Variants in DENND5A observed in about 807,000 individuals in gnomAD.
The protein encoded by DENND5A is DENN domain containing 5A, also known as DENN domain-containing protein 5A.
A neutral mutation model predicts 140.3 loss-of-function variants in DENND5A; 64 were observed. The observed-to-expected ratio is 0.46, with a 90% CI of 0.37 to 0.56. The LOEUF (loss-of-function observed/expected upper bound fraction) is 0.56, where lower values mean the gene tolerates loss of function less well. Among genes scored for constraint, DENND5A ranks in the 20% least tolerant of loss-of-function variants. The pLI is 0.00. For missense variants in DENND5A, 1,292 were observed against 1,593.8 expected (o/e 0.81, Z 3.22); for synonymous variants, 605 against 607.7 (o/e 1.00, Z 0.07).
intron 1 of DENND5A, among the ~76,000 whole-genome samples, chr11:9,230,344 G>A (rs1045928967): frequency 5.1e-5 from 7 of 136,574 alleles, no homozygotes; most frequent in Non-Finnish European, 1.1e-4. Flanking sequence ...GAGCTCAAGC[G>A]ATCCACCCAC....
At chr11:9,201,730 T>C (rs975006602) in intron 4 of DENND5A, among the ~76,000 whole-genome samples, 7 of 152,116 alleles carry the variant, frequency 4.6e-5, no homozygotes, top group Middle Eastern at 3.4e-3. Flanking sequence ...AAATAACTGA[T>C]TCAGAATAGA....
intron 1 of DENND5A, among the ~76,000 whole-genome samples, chr11:9,219,943 C>T (rs1850242143): frequency 6.6e-6 from 1 of 152,148 alleles, no homozygotes; most frequent in Non-Finnish European, 1.5e-5. Context: ...TGGATATCAT[C>T]ATTTAGAAAG....
At chr11:9,246,870 C>T (rs1350354724) in intron 1 of DENND5A, among the ~76,000 whole-genome samples, 1 of 152,162 alleles carries the variant, frequency 6.6e-6, no homozygotes, top group Non-Finnish European at 1.5e-5. Context: ...AATGTGTAAC[C>T]TCCAAGTATT....
At chr11:9,257,731 C>T (rs891827964) in intron 1 of DENND5A, among the ~76,000 whole-genome samples, 3 of 151,506 alleles carry the variant, frequency 2.0e-5, no homozygotes, top group Admixed American at 1.3e-4. Flanking sequence ...ATCCGCCCAC[C>T]CCGGCCTCCC....
chr11:9,203,713 A>C lies in DENND5A; in HGVS notation c.896T>G (p.Phe299Cys). 4 of 1,614,146 alleles carry C rather than the reference A, an allele frequency of 2.5e-6. No homozygotes were observed. The South Asian group carries it at 4.4e-5, about 18-fold the overall frequency. ...CAGAAGGGCACAAGTAAAAAGCTGA[A>C]ACACATTCTCCACCCCGAGCAGTTC... ...VFELLGVENV[F>C]QLFTCALLEF... Residue 299 changes from phenylalanine (F) to cysteine (C), a missense_variant, in exon 4 of 23, where the codon TTT (phenylalanine) becomes TGT (cysteine). This residue lies in a region of DENND5A where 566 missense variants were observed against 650.4 expected (regional missense o/e 0.87). Transcript: ENST00000328194.
chr11:9,154,173 C>T (rs1287645802), intron 12 of DENND5A, among the ~76,000 whole-genome samples: 1 of 152,104 alleles, frequency 6.6e-6, no homozygotes, highest in African/African-American at 2.4e-5. Context: ...GTTCAAAATA[C>T]AATATTTTAA....
chr11:9,143,613 G>A (rs1847323083), intron 19 of DENND5A, 128 bp from the exon 20 acceptor site: 1 of 758,460 alleles, frequency 1.3e-6, no homozygotes, highest in Non-Finnish European at 2.3e-6. Flanking sequence ...CTAGGAAGCA[G>A]AGGCGCTTGC....
chr11:9,247,057 G>A (rs1042852069), intron 1 of DENND5A, among the ~76,000 whole-genome samples: 1 of 151,926 alleles, frequency 6.6e-6, no homozygotes, highest in African/African-American at 2.4e-5. Context: ...GTGAAACCCC[G>A]TCTCTACTAA....
intron 1 of DENND5A, among the ~76,000 whole-genome samples, chr11:9,246,611 CAAAAAAAAAAA>C (rs369946476): frequency 1.6e-5 from 1 of 63,148 alleles, no homozygotes; most frequent in Non-Finnish European, 3.0e-5. Flanking sequence ...AACTAAGTCT[CAAAAAAAAAAA>C]AAAAAAAAAG....
At chr11:9,180,273 G>A (rs1848683931) in intron 6 of DENND5A, among the ~76,000 whole-genome samples, 3 of 151,760 alleles carry the variant, frequency 2.0e-5, no homozygotes, top group Admixed American at 2.0e-4. Context: ...GCAACATAGT[G>A]AGACCCTGCC....
chr11:9,232,098 A>G (rs1850796964), intron 1 of DENND5A, among the ~76,000 whole-genome samples: 1 of 152,166 alleles, frequency 6.6e-6, no homozygotes, highest in African/African-American at 2.4e-5. Flanking sequence ...AAGAAAATTA[A>G]TTAGCCCTAG....
Position 9,180,755 on chromosome 11 carries a change from T to C in DENND5A, c.1455+12A>G. 2.5e-6 allele frequency: 4 copies of C among 1,611,974 alleles called. No individual in the cohort carries two copies. The highest frequency in any genetic ancestry group is 2.5e-6 in the Non-Finnish European group (3 of 1,178,748). ...AGATCACACGTGTCACAGACTCATA[T>C]ACACATCTTACCTTTTCCAGGCTCA... On this transcript the variant is annotated intron_variant, in intron 6 of 22. Transcript: ENST00000328194.
At chr11:9,185,595 G>A (rs1266562043) in intron 5 of DENND5A, among the ~76,000 whole-genome samples, 1 of 152,206 alleles carries the variant, frequency 6.6e-6, no homozygotes, top group Non-Finnish European at 1.5e-5. Flanking sequence ...GTTGATGGAT[G>A]CAGCAAACCA....
At chr11:9,263,617 T>C (rs1029588036) in intron 1 of DENND5A, among the ~76,000 whole-genome samples, 2 of 135,080 alleles carry the variant, frequency 1.5e-5, no homozygotes, top group East Asian at 4.4e-4. Flanking sequence ...CCGAGGCGGG[T>C]GGATCATGAG....
In DENND5A at chr11:9,142,864, G is replaced by C; in HGVS notation, c.3388-19C>G. The C allele has an allele frequency of 9.3e-6, 15 of 1,613,510 alleles. No homozygotes were observed. The highest frequency in any genetic ancestry group is 1.3e-5 in the Non-Finnish European group (15 of 1,179,650). On this transcript the variant is annotated intron_variant, in intron 20 of 22. Coordinates refer to ENST00000328194, the MANE Select transcript of DENND5A (RefSeq NM_015213.4). The stretch of plus-strand genomic sequence containing the variant: ...TGCCTCGCTACGTAAGGAAACAGGG[G>C]AGGGTGCCAGGCTTGTCTCAGCCGA...
At chr11:9,253,264 T>C (rs1487625320) in intron 1 of DENND5A, among the ~76,000 whole-genome samples, 2 of 152,152 alleles carry the variant, frequency 1.3e-5, no homozygotes, top group Non-Finnish European at 2.9e-5. Flanking sequence ...AAGGAGGCTT[T>C]AGGCAAAGAA....
intron 5 of DENND5A, among the ~76,000 whole-genome samples, chr11:9,192,878 A>G (rs1027511): frequency 0.3 from 44,844 of 152,004 alleles, 7,166 homozygotes; most frequent in South Asian, 0.5. Flanking sequence ...CTTATTTCTA[A>G]TCATGCTTTA....
At chr11:9,227,842 C>T (rs983010769) in intron 1 of DENND5A, among the ~76,000 whole-genome samples, 2 of 151,778 alleles carry the variant, frequency 1.3e-5, no homozygotes, top group Admixed American at 1.3e-4. Context: ...CACTGTGGCT[C>T]ACGCTTGTAA....
At chr11:9,156,862 A>AGGAT (rs989593931) in intron 12 of DENND5A, among the ~76,000 whole-genome samples, 7 of 134,850 alleles carry the variant, frequency 5.2e-5, no homozygotes, top group Admixed American at 7.5e-5. Context: ...GAGGGATGGA[A>AGGAT]GGATGGATGG....
Sources: gnomAD v4.1 joint callset for allele counts (sites outside exome capture counted in the v4.1 genomes callset) on GRCh38, gnomAD v4.1.1 for gene constraint, gnomAD v4.1.1 regional missense constraint, MANE v1.5 for transcripts, NCBI Gene and HGNC (gene_info 2026-07-23, HGNC 2026-07-21) for gene names.